The following SLC25A41 variants were observed in gnomAD, a reference collection of about 807,000 sequenced individuals.
SLC25A41 encodes mitochondrial carrier protein SCaMC-3L.
In SLC25A41, 35 loss-of-function variants were observed where a neutral mutation model predicts 34.7. That is an observed-to-expected ratio of 1.01 (90% CI 0.77 to 1.34). The LOEUF (loss-of-function observed/expected upper bound fraction) is 1.34. SLC25A41 is among the 40% of genes most tolerant of loss of function. The pLI, the probability that SLC25A41 is intolerant of heterozygous loss-of-function variation, is 0.00. For missense variants in SLC25A41, 492 were observed against 489.8 expected (o/e 1.00, Z -0.04); for synonymous variants, 190 against 209.9 (o/e 0.91, Z 0.82).
At chr19:6,432,258 C>T in intron 1 of SLC25A41, 54 bp from the exon 2 acceptor site, 1 of 1,581,886 alleles carries the variant, frequency 6.3e-7, no homozygotes, top group Non-Finnish European at 8.6e-7. Context: ...GGCACCTTCC[C>T]CAGACACACA....
In SLC25A41 at chr19:6,433,646, C is replaced by G. The variant is rs2092295920; in HGVS notation, c.48G>C (p.Gln16His). Residue 16 changes from glutamine (Q) to histidine (H), a missense_variant, in exon 1 of 7, where the codon CAG (glutamine) becomes CAC (histidine). Transcript: ENST00000321510. ...GEPQNTCSRI[Q>H]TLFRRVKTLL... is the part of the protein sequence containing the mutation. ...AGGTCTTGACCCTCCTAAACAGTGTCTGGATCCTAGAGCAAGTGTTCTGAG... is the reference window on the plus strand; with the variant it reads ...AGGTCTTGACCCTCCTAAACAGTGTGTGGATCCTAGAGCAAGTGTTCTGAG... 6.3e-7 allele frequency: 1 copy of G among 1,599,926 alleles called. No homozygotes were observed. Among genetic ancestry groups the G allele is most frequent in the African/African-American group, 1.3e-5 (1 of 74,826 alleles).
In SLC25A41 at chr19:6,430,163, TG is replaced by T; in HGVS notation, c.364-3del. 1 of 1,610,080 alleles carries T rather than the reference TG, an allele frequency of 6.2e-7. No homozygotes were observed. Among genetic ancestry groups the T allele is most frequent in the East Asian group, 2.2e-5 (1 of 44,782 alleles). On this transcript the variant is annotated splice_region_variant and splice_polypyrimidine_tract_variant and intron_variant, in intron 2 of 6. Coordinates refer to ENST00000321510, the MANE Select transcript of SLC25A41 (RefSeq NM_173637.4). ...GAAGTTCGTCTTGGAGGAGTAGACC[TG>T]GGTGGAGGGAGGACCCTGGAGGAGC...
chr19:6,429,901 G>T (rs1427932703), intron 3 of SLC25A41, 70 bp from the exon 4 acceptor site: 3 of 1,591,208 alleles, frequency 1.9e-6, no homozygotes, highest in Non-Finnish European at 2.6e-6. Flanking sequence ...GCAGGGAAGA[G>T]GCCTGGGGTC....
chr19:6,436,129 A>AC (rs1033622092), upstream of SLC25A41: 85 of 213,958 alleles, frequency 4.0e-4, 1 homozygote, highest in African/African-American at 1.0e-3. Context: ...GTGACGAATT[A>AC]CCCCCCCGCC....
intron 4 of SLC25A41, among the ~76,000 whole-genome samples, chr19:6,428,834 C>T (rs2092256619): frequency 6.9e-6 from 1 of 144,208 alleles, no homozygotes; most frequent in African/African-American, 2.5e-5. Flanking sequence ...CCACCTCAGC[C>T]TCCTGAGTAG....
In SLC25A41 at chr19:6,427,751, C is replaced by T. The variant is rs1490322737; in HGVS notation, c.625-250G>A. Among the ~76,000 whole-genome samples, 1 of 152,184 alleles carries T rather than the reference C, an allele frequency of 6.6e-6. No homozygotes were observed. Among genetic ancestry groups the T allele is most frequent in the Non-Finnish European group, 1.5e-5 (1 of 68,024 alleles). ...TCTGTCTTCCCAGCCCTTTGGGAGG[C>T]TGAGGCGGGAGGATCGCTTGAGGCC... On this transcript the variant is annotated intron_variant, in intron 4 of 6. Transcript: ENST00000321510. This position sits in a 1 kb window ranked among gnomAD's most constrained non-coding sequence, Gnocchi z 4.9.
At chr19:6,429,282 T>C (rs2092269435) in intron 4 of SLC25A41, among the ~76,000 whole-genome samples, 1 of 107,666 alleles carries the variant, frequency 9.3e-6, no homozygotes, top group Admixed American at 1.3e-4. Flanking sequence ...AATATATTCA[T>C]ATATAAATTT....
upstream of SLC25A41, chr19:6,433,784 G>A: frequency 1.8e-6 from 2 of 1,127,298 alleles, no homozygotes; most frequent in Non-Finnish European, 2.5e-6. Context: ...AGGATTGTGT[G>A]GGGGACCAAG....
chr19:6,433,566 T>A lies in SLC25A41; in HGVS notation c.128A>T (p.Asn43Ile). The A allele has an allele frequency of 6.2e-7, 1 of 1,613,476 alleles. No individual in the cohort carries two copies. The highest frequency in any genetic ancestry group is 8.5e-7 in the Non-Finnish European group (1 of 1,179,808). Residue 43 changes from asparagine to isoleucine, a missense_variant, in exon 1 of 7, where the codon AAC (asparagine) becomes ATC (isoleucine). Physicochemically the swap from Asn to Ile is moderately radical, Grantham distance 149. Coordinates refer to ENST00000321510, the MANE Select transcript of SLC25A41 (RefSeq NM_173637.4). Reference sequence around the variant, plus strand: ...CCCATACACGTGTGTACAGCCAGGGTTCCAGGATGGGGGTGGAGGCGGAGG... The same window carrying A: ...CCCATACACGTGTGTACAGCCAGGGATCCAGGATGGGGGTGGAGGCGGAGG... ...PQPPPPPPSW[N>I]PGCTHVYGYA... is the part of the protein sequence containing the mutation.
In SLC25A41 at chr19:6,426,481, G is replaced by A. The variant is rs768520810; in HGVS notation, c.1021C>T (p.Arg341Ter). 8 of 1,613,672 alleles carry A rather than the reference G, an allele frequency of 5.0e-6. No homozygotes were observed. The highest frequency in any genetic ancestry group is 6.8e-6 in the Non-Finnish European group (8 of 1,179,848). The change falls in exon 7 of 7, where the codon CGA (arginine) becomes TGA (stop). Residue 341 changes from arginine to a stop codon, truncating the protein, a stop_gained. Coordinates refer to ENST00000321510, the MANE Select transcript of SLC25A41 (RefSeq NM_173637.4). LOFTEE classifies it high-confidence loss of function. Reference sequence around the variant, plus strand: ...TTCAGTAGCGTGGGGGTCATGCCTCGGTACAGCCCTAGCCAGCCCTGCTGG... The same window carrying A: ...TTCAGTAGCGTGGGGGTCATGCCTCAGTACAGCCCTAGCCAGCCCTGCTGG... ...LAQQGWLGLYRGMTPTLLKVL... is the reference protein window; with the variant it reads ...LAQQGWLGLY
Position 6,427,259 on chromosome 19 carries a change from G to C in SLC25A41, c.793-9C>G. On this transcript the variant is annotated splice_polypyrimidine_tract_variant and intron_variant, in intron 5 of 6. Coordinates refer to ENST00000321510, the MANE Select transcript of SLC25A41 (RefSeq NM_173637.4). This position sits in a 1 kb window ranked among gnomAD's most constrained non-coding sequence, Gnocchi z 4.9. ...CAGAAGCACTGGAGCATCTGCAAGA[G>C]AAGGGGGCCAGGAGAAAGCTCACTA... The C allele has an allele frequency of 8.1e-6, 13 of 1,612,376 alleles. No individual in the cohort carries two copies. The highest frequency in any genetic ancestry group is 1.1e-5 in the Non-Finnish European group (13 of 1,179,554).
chr19:6,430,137 T>G lies in SLC25A41; in HGVS notation c.388A>C (p.Thr130Pro). 3 of 1,612,926 alleles carry G rather than the reference T, an allele frequency of 1.9e-6. No homozygotes were observed. The highest frequency in any genetic ancestry group is 2.5e-6 in the Non-Finnish European group (3 of 1,179,422). Residue 130 changes from threonine (T) to proline (P), a missense_variant, in exon 3 of 7, where the codon ACC becomes CCC. Physicochemically the swap from Thr to Pro is conservative, Grantham distance 38 (BLOSUM62 -1). Coordinates refer to ENST00000321510, the MANE Select transcript of SLC25A41 (RefSeq NM_173637.4). ...CTCTGTAGCCCCCCCAGCAGGTTGG[T>G]GAAGTTCGTCTTGGAGGAGTAGACC... is the stretch of plus-strand genomic sequence containing the variant. ...MQVYSSKTNF[T>P]NLLGGLQSMV...
chr19:6,434,533 C>T (rs140452626), upstream of SLC25A41, among the ~76,000 whole-genome samples: 573 of 152,278 alleles, frequency 3.8e-3, 4 homozygotes, highest in African/African-American at 0.013. Flanking sequence ...TTTAAGACCC[C>T]GCTCTTTAGT....
At chr19:6,430,239 A>G in intron 2 of SLC25A41, 78 bp from the exon 3 acceptor site, 1 of 1,461,130 alleles carries the variant, frequency 6.8e-7, no homozygotes, top group South Asian at 1.4e-5. Context: ...GCGCAGCCCC[A>G]CCGGGACCTC....
chr19:6,429,750 A>G lies in SLC25A41; in HGVS notation c.598T>C (p.Ser200Pro), dbSNP rs1453301934. Residue 200 changes from serine to proline, a missense_variant, in exon 4 of 7, where the codon TCC becomes CCC. Ser to Pro is a moderately conservative substitution (Grantham distance 74, BLOSUM62 -1). Coordinates refer to ENST00000321510, the MANE Select transcript of SLC25A41 (RefSeq NM_173637.4). ...LLAGSLAVAI[S>P]QTLINPMEVL... ...TCCATGGGGTTGATGAGGGTCTGGG[A>G]GATGGCCACAGCCAGGGAGCCAGCA... 1.2e-6 allele frequency: 2 copies of G among 1,607,044 alleles called. No individual in the cohort carries two copies. Among genetic ancestry groups the G allele is most frequent in the Non-Finnish European group, 1.7e-6 (2 of 1,177,396 alleles).
chr19:6,426,289 C>T lies in SLC25A41; in HGVS notation c.*100G>A. On this transcript the variant is annotated 3_prime_UTR_variant, in exon 7 of 7. Transcript: ENST00000321510. ...CCTGCTTTTGCCACCAAAAACTGCC[C>T]CAGGGCCTGAACCTTGAGGCCTCGA... is the stretch of plus-strand genomic sequence containing the variant. 2 of 1,299,908 alleles carry T rather than the reference C, an allele frequency of 1.5e-6. No individual in the cohort carries two copies. The highest frequency in any genetic ancestry group is 2.0e-6 in the Non-Finnish European group (2 of 977,458). The allele number at this position is 1,299,908 out of a possible 1,614,324, so 80.5% of individuals were successfully genotyped here.
chr19:6,426,422 C>T lies in SLC25A41; in HGVS notation c.1080G>A (p.Val360=), dbSNP rs1427973094. 12 of 1,613,646 alleles carry T rather than the reference C, an allele frequency of 7.4e-6. 1 individual carries two copies. The highest frequency in any genetic ancestry group is 1.7e-5 in the Admixed American group (1 of 60,000). ...VLPAGGISYV[V]YEAMKKTLGI ...CCAGGGTTTTCTTCATGGCTTCGTA[C>T]ACCACATAGCTGATGCCACCTGCTG... The change falls in exon 7 of 7, where the codon GTG becomes GTA. Residue 360 remains valine (V), a synonymous_variant. Coordinates refer to ENST00000321510, the MANE Select transcript of SLC25A41 (RefSeq NM_173637.4).
intron 4 of SLC25A41, among the ~76,000 whole-genome samples, chr19:6,428,545 C>T (rs1380979853): frequency 6.8e-6 from 1 of 146,266 alleles, no homozygotes; most frequent in Non-Finnish European, 1.5e-5. Flanking sequence ...TTATATATAA[C>T]ATGCATAGAC....
chr19:6,429,397 A>AGT (rs2092271264), intron 4 of SLC25A41, among the ~76,000 whole-genome samples: 1 of 12,020 alleles, frequency 8.3e-5, no homozygotes, highest in East Asian at 4.3e-3. Flanking sequence ...GGGGAGGAGA[A>AGT]GGGAGAAAGG....
Sources: gnomAD v4.1 joint callset for allele counts (sites outside exome capture counted in the v4.1 genomes callset) on GRCh38, gnomAD v4.1.1 for gene constraint, Gnocchi (gnomAD v3.1) non-coding constraint, MANE v1.5 for transcripts, NCBI Gene and HGNC (gene_info 2026-07-23, HGNC 2026-07-21) for gene names.